GREB1: variants seen among roughly 807,000 people sequenced by gnomAD.
The protein encoded by GREB1 is protein GREB1.
Under a neutral mutation model 200.7 loss-of-function variants are expected in GREB1, and 106 were observed. The ratio of observed to expected loss-of-function variants is 0.53; its 90% CI spans 0.45 to 0.62. The LOEUF (loss-of-function observed/expected upper bound fraction) is 0.62. GREB1 is among the 20% of genes least tolerant of loss of function. The probability of loss-of-function intolerance (pLI) is 0.00; values close to 1 mark genes in which losing one functional copy is unlikely to be tolerated. For missense variants in GREB1, 2,243 were observed against 2,556.8 expected, an observed-to-expected ratio of 0.88 and a Z score of 2.65; for synonymous variants, 1,132 against 1,092.4, an observed-to-expected ratio of 1.04 and a Z score of -0.72.
intron 17 of GREB1, among the ~76,000 whole-genome samples, chr2:11,603,671 C>T (rs1210856560): frequency 6.6e-6 from 1 of 152,246 alleles, no homozygotes; most frequent in Non-Finnish European, 1.5e-5. Context: ...GGTCAGTTCT[C>T]CAGCACATGG....
At chr2:11,523,267 T>G (rs1005021899) in intron 1 of GREB1, among the ~76,000 whole-genome samples, 2 of 151,762 alleles carry the variant, frequency 1.3e-5, no homozygotes, top group Non-Finnish European at 2.9e-5. Context: ...TCAGAAAAAA[T>G]AACTATTGGG....
intron 24 of GREB1, among the ~76,000 whole-genome samples, chr2:11,626,228 T>G (rs1572186228): frequency 6.6e-6 from 1 of 152,118 alleles, no homozygotes; most frequent in South Asian, 2.1e-4. Flanking sequence ...GCACTGAGGA[T>G]CCTTCTCGTA....
intron 1 of GREB1, among the ~76,000 whole-genome samples, chr2:11,511,696 G>A (rs1220746338): frequency 1.3e-5 from 2 of 152,288 alleles, no homozygotes; most frequent in Non-Finnish European, 2.9e-5. Context: ...CTGAGACCCT[G>A]AGCTTAGGGG....
Position 11,610,904 on chromosome 2 carries a change from G to A in GREB1, c.2883G>A (p.Val961=). The A allele has an allele frequency of 1.9e-6, 3 of 1,612,956 alleles. No homozygotes were observed. The highest frequency in any genetic ancestry group is 2.5e-6 in the Non-Finnish European group (3 of 1,179,766). Residue 961 remains valine (V), a synonymous_variant, in exon 18 of 33, where the codon GTG becomes GTA. Coordinates refer to ENST00000381486, the MANE Select transcript of GREB1 (RefSeq NM_014668.4). ...GGGTGCCCTGTTCGCCCCTGGCGGT[G>A]GTGGCCTATGAGCGGCTGGCCCACG... is the stretch of plus-strand genomic sequence containing the variant. ...LLRVPCSPLA[V]VAYERLAHVR...
chr2:11,551,676 C>T (rs1157965009), intron 1 of GREB1, among the ~76,000 whole-genome samples: 1 of 152,194 alleles, frequency 6.6e-6, no homozygotes, highest in Non-Finnish European at 1.5e-5. Flanking sequence ...AAATGCTGTT[C>T]TTAGTTTTTT....
intron 9 of GREB1, chr2:11,588,156 G>T: frequency 2.1e-6 from 1 of 470,852 alleles, no homozygotes; most frequent in Non-Finnish European, 2.8e-6. Flanking sequence ...TTGAACTTGG[G>T]AGGCAGAGGT....
At chr2:11,484,627 G>GA (rs148207864) in intron 1 of GREB1, among the ~76,000 whole-genome samples, 3,454 of 148,690 alleles carry the variant, frequency 0.023, 146 homozygotes, top group African/African-American at 0.082. Flanking sequence ...GAAAAAGAAA[G>GA]AAAAAAAATT....
At chr2:11,558,960 C>T (rs747025145) in intron 2 of GREB1, among the ~76,000 whole-genome samples, 8 of 152,114 alleles carry the variant, frequency 5.3e-5, no homozygotes, top group Admixed American at 2.6e-4. Flanking sequence ...AACCCTTACA[C>T]ATTCTTGATT....
chr2:11,511,609 G>A (rs1330534777), intron 1 of GREB1, among the ~76,000 whole-genome samples: 1 of 152,128 alleles, frequency 6.6e-6, no homozygotes, highest in Non-Finnish European at 1.5e-5. Context: ...GTGACCCGGT[G>A]AGAGGAGGGC....
intron 29 of GREB1, 145 bp from the exon 30 acceptor site, chr2:11,635,125 G>A: frequency 2.3e-6 from 2 of 867,390 alleles, no homozygotes; most frequent in South Asian, 1.7e-5. Context: ...TTCCCCTAGA[G>A]TAAGGAAGGT....
At chr2:11,631,513 G>T (rs1353774969) in intron 26 of GREB1, among the ~76,000 whole-genome samples, 3 of 152,208 alleles carry the variant, frequency 2.0e-5, no homozygotes, top group Non-Finnish European at 4.4e-5. Flanking sequence ...GTTTGGGCTT[G>T]GTTCAGCCGG....
intron 1 of GREB1, among the ~76,000 whole-genome samples, chr2:11,524,993 C>G (rs964752552): frequency 1.3e-5 from 2 of 152,092 alleles, no homozygotes; most frequent in Admixed American, 1.3e-4. Context: ...GTTTGGAAAG[C>G]GGACTACACT....
chr2:11,589,029 G>T lies in GREB1; in HGVS notation c.1345+98G>T. 3.4e-6 allele frequency: 3 copies of T among 887,476 alleles called. No individual in the cohort carries two copies. In the South Asian group the frequency reaches 4.4e-5, roughly 13 times the overall value. The allele number at this position is 887,476 out of a possible 1,614,324, so 55.0% of individuals were successfully genotyped here. Reference sequence around the variant, plus strand: ...TCGTGGGGGCTGACTTGGGCTGCTGGAATTGAAATACATGGGGAGAGCTTA... The same window carrying T: ...TCGTGGGGGCTGACTTGGGCTGCTGTAATTGAAATACATGGGGAGAGCTTA... On this transcript the variant is annotated intron_variant, in intron 10 of 32. Transcript: ENST00000381486.
At chr2:11,635,490 G>T in intron 30 of GREB1, 85 bp downstream of exon 30, 1 of 1,478,612 alleles carries the variant, frequency 6.8e-7, no homozygotes, top group South Asian at 1.3e-5. Context: ...GCCATTGAGG[G>T]AGGCCATGTC....
At chr2:11,568,612 C>T (rs753515314) in intron 4 of GREB1, among the ~76,000 whole-genome samples, 1 of 152,246 alleles carries the variant, frequency 6.6e-6, no homozygotes, top group Non-Finnish European at 1.5e-5. Flanking sequence ...GCCACCTTAG[C>T]GTTTGATCTG....
chr2:11,642,379 C>T lies in GREB1; in HGVS notation c.*1925C>T, dbSNP rs573730444. ...CTGGCCTCAGGTGATCTGCCCACCT[C>T]ATCCTCCAAAAGTGCTGGGATTACA... On this transcript the variant is annotated 3_prime_UTR_variant, in exon 33 of 33. Coordinates refer to ENST00000381486, the MANE Select transcript of GREB1 (RefSeq NM_014668.4). 1.8e-4 allele frequency: 27 copies of T among 152,138 alleles called. No homozygotes were observed. Among genetic ancestry groups the T allele is most frequent in the African/African-American group, 6.0e-4 (25 of 41,504 alleles). The allele number at this position is 152,138 out of a possible 1,614,324, so 9.4% of individuals were successfully genotyped here. A position where few individuals can be genotyped will look rare whatever the true frequency, so the allele number is the denominator to read the frequency against.
At chr2:11,634,847 A>G (rs966747200) in intron 29 of GREB1, among the ~76,000 whole-genome samples, 11 of 152,192 alleles carry the variant, frequency 7.2e-5, no homozygotes, top group Admixed American at 6.5e-4. Flanking sequence ...TTAGCTTTGC[A>G]GCGCAGGCAG....
chr2:11,516,565 A>G (rs1444394078), intron 1 of GREB1, among the ~76,000 whole-genome samples: 1 of 151,798 alleles, frequency 6.6e-6, no homozygotes, highest in Non-Finnish European at 1.5e-5. Flanking sequence ...TCTCTTCCCC[A>G]CCCCAAGTCC....
At chr2:11,501,341 G>A (rs1427060436) in intron 1 of GREB1, among the ~76,000 whole-genome samples, 1 of 152,176 alleles carries the variant, frequency 6.6e-6, no homozygotes, top group Non-Finnish European at 1.5e-5. Context: ...AAATGTTTTA[G>A]ACACATTTGC....
Sources: gnomAD v4.1 joint callset for allele counts (sites outside exome capture counted in the v4.1 genomes callset) on GRCh38, gnomAD v4.1.1 for gene constraint, MANE v1.5 for transcripts, NCBI Gene and HGNC (gene_info 2026-07-23, HGNC 2026-07-21) for gene names.